The following SGCD variants were observed in gnomAD, a reference collection of about 807,000 sequenced individuals.
SGCD encodes the protein sarcoglycan delta.
Under a neutral mutation model 36.6 loss-of-function variants are expected in SGCD, and 18 were observed. The observed-to-expected ratio is 0.49, with a 90% CI of 0.34 to 0.73. The LOEUF (loss-of-function observed/expected upper bound fraction) is 0.73. Ranked by LOEUF, SGCD falls within the 30% of genes least tolerant of loss-of-function variation. The probability of loss-of-function intolerance (pLI) is 0.01; values close to 1 mark genes in which losing one functional copy is unlikely to be tolerated. For missense variants in SGCD, 387 were observed against 346.7 expected (o/e 1.12, Z -0.92); for synonymous variants, 133 against 130.6 (o/e 1.02, Z -0.12).
At chr5:156,415,578 A>C (rs370668000) in intron 3 of SGCD, among the ~76,000 whole-genome samples, 25 of 152,318 alleles carry the variant, frequency 1.6e-4, no homozygotes, top group African/African-American at 4.3e-4. Context: ...TTGACACGAA[A>C]TGAGTGGCCA....
chr5:156,302,813 A>G (rs1394446204), intron 3 of SGCD, among the ~76,000 whole-genome samples: 2 of 152,110 alleles, frequency 1.3e-5, no homozygotes, highest in African/African-American at 4.8e-5. Context: ...ACTTTCTCCT[A>G]GACAAATAGA....
chr5:156,572,436 A>G (rs1759761301), intron 4 of SGCD, among the ~76,000 whole-genome samples: 1 of 151,740 alleles, frequency 6.6e-6, no homozygotes, highest in Admixed American at 6.6e-5. Context: ...TTTCTATTAT[A>G]ATTATTCTAG....
chr5:156,259,112 C>CTGTT lies in SGCD; in HGVS notation c.-43-70420_-43-70417dup, dbSNP rs60308068. On this transcript the variant is annotated intron_variant, in intron 3 of 9. Coordinates refer to the SGCD transcript ENST00000517913. Reference sequence around the variant, plus strand: ...TTCCCTATATCTTCTCAAACACTGGCTGTTTATTTATTTATTTATTTATTT... The same window carrying CTGTT: ...TTCCCTATATCTTCTCAAACACTGGCTGTTTGTTTATTTATTTATTTATTTATTT... Among the ~76,000 whole-genome samples the CTGTT allele has an allele frequency of 8.9e-3, 1,172 of 131,310 alleles. 9 individuals carry two copies. The highest frequency in any genetic ancestry group is 0.029 in the African/African-American group (1,035 of 35,606). 86.1% of individuals were successfully genotyped at this position (131,310 alleles called of 152,430 possible).
intron 6 of SGCD, among the ~76,000 whole-genome samples, chr5:156,642,183 C>T (rs1176007666): frequency 4.6e-5 from 7 of 152,066 alleles, no homozygotes; most frequent in Non-Finnish European, 8.8e-5. Context: ...ACCCTGATGA[C>T]CTCATCTAAA....
At chr5:155,868,056 CTT>C (rs796673246), upstream of SGCD, among the ~76,000 whole-genome samples, 1 of 145,904 alleles carries the variant, frequency 6.9e-6, no homozygotes, top group African/African-American at 2.5e-5. Flanking sequence ...TGAAGATGAT[CTT>C]TTTTTTTTTT....
At chr5:155,861,503 A>G in the SGCD span, among the ~76,000 whole-genome samples, 1 of 152,024 alleles carries the variant, frequency 6.6e-6, no homozygotes, top group South Asian at 2.1e-4. Context: ...GGTACTAAAA[A>G]AAGAAAGAGA....
chr5:155,934,357 C>T (rs551443068), intron 1 of SGCD, among the ~76,000 whole-genome samples: 23 of 152,324 alleles, frequency 1.5e-4, no homozygotes, highest in African/African-American at 5.3e-4. Flanking sequence ...GCTGCGTTGG[C>T]AAGAAGCCTT....
At chr5:156,738,819 C>T (rs1270159672) in intron 7 of SGCD, among the ~76,000 whole-genome samples, 1 of 152,160 alleles carries the variant, frequency 6.6e-6, no homozygotes, top group Non-Finnish European at 1.5e-5. Context: ...TATAACAGTG[C>T]TACAAAGAAG....
At chr5:156,015,069 A>G (rs766191636) in intron 1 of SGCD, among the ~76,000 whole-genome samples, 11 of 152,132 alleles carry the variant, frequency 7.2e-5, no homozygotes, top group Non-Finnish European at 1.5e-4. Flanking sequence ...CCCTGCAGCT[A>G]AGAAGCAGTG....
At chr5:155,822,480 G>A in the SGCD span, among the ~76,000 whole-genome samples, 1 of 152,090 alleles carries the variant, frequency 6.6e-6, no homozygotes, top group East Asian at 1.9e-4. Flanking sequence ...AATATGATTT[G>A]GTGTCTATAA....
intron 7 of SGCD, among the ~76,000 whole-genome samples, chr5:156,707,496 T>A (rs1271316636): frequency 6.6e-6 from 1 of 152,122 alleles, no homozygotes; most frequent in East Asian, 1.9e-4. Context: ...TTCTAGACAG[T>A]AACTAACATG....
chr5:156,423,422 T>TATA (rs1561686084), intron 3 of SGCD, among the ~76,000 whole-genome samples: 1 of 119,312 alleles, frequency 8.4e-6, no homozygotes, highest in African/African-American at 3.2e-5. Flanking sequence ...TATATTATAT[T>TATA]TTAATAAAAT....
the SGCD span, among the ~76,000 whole-genome samples, chr5:155,801,947 A>G: frequency 1.3e-5 from 2 of 152,008 alleles, no homozygotes; most frequent in Non-Finnish European, 2.9e-5. Flanking sequence ...GTCACCCATA[A>G]CCCTCTTCCT....
intron 3 of SGCD, among the ~76,000 whole-genome samples, chr5:156,206,002 A>G (rs899667606): frequency 6.8e-6 from 1 of 147,756 alleles, no homozygotes; most frequent in South Asian, 2.1e-4. Flanking sequence ...TTATATATAT[A>G]TATTATATAT....
At chr5:156,356,436 C>A (rs539850867) in intron 3 of SGCD, among the ~76,000 whole-genome samples, 1 of 152,150 alleles carries the variant, frequency 6.6e-6, no homozygotes, top group Non-Finnish European at 1.5e-5. Context: ...TTGCCCTTAA[C>A]GTGGTTGCTA....
At chr5:156,106,579 C>T (rs1761654970) in intron 1 of SGCD, among the ~76,000 whole-genome samples, 1 of 152,170 alleles carries the variant, frequency 6.6e-6, no homozygotes, top group South Asian at 2.1e-4. Flanking sequence ...GATAATTAAA[C>T]TGCAGATGTT....
intron 1 of SGCD, among the ~76,000 whole-genome samples, chr5:156,068,420 AT>A: frequency 6.6e-6 from 1 of 151,972 alleles, no homozygotes; most frequent in South Asian, 2.1e-4. Context: ...ATGATTTCCA[AT>A]TTCATCCATG....
intron 2 of SGCD, among the ~76,000 whole-genome samples, chr5:156,340,229 A>G (rs1221871661): frequency 1.3e-5 from 2 of 152,248 alleles, no homozygotes; most frequent in Non-Finnish European, 1.5e-5. Context: ...TGAGGCATCA[A>G]TGACAGTTGA....
chr5:155,980,910 A>T (rs1316072761), intron 1 of SGCD, among the ~76,000 whole-genome samples: 3 of 152,196 alleles, frequency 2.0e-5, no homozygotes, highest in Non-Finnish European at 2.9e-5. Flanking sequence ...AGTTGCAGGG[A>T]ACCAAACAAC....
Sources: gnomAD v4.1 joint callset for allele counts (sites outside exome capture counted in the v4.1 genomes callset) on GRCh38, gnomAD v4.1.1 for gene constraint, MANE v1.5 for transcripts, NCBI Gene and HGNC (gene_info 2026-07-23, HGNC 2026-07-21) for gene names.